Variants in HELZ observed in about 807,000 individuals in gnomAD.
HELZ encodes helicase with zinc finger, also known as ATP-dependent RNA helicase with zinc finger domain.
Under a neutral mutation model 218.2 loss-of-function variants are expected in HELZ, and 23 were observed. The observed-to-expected ratio is 0.11, with a 90% CI of 0.08 to 0.15. The LOEUF (loss-of-function observed/expected upper bound fraction) is 0.15. HELZ is among the 10% of genes least tolerant of loss of function. The pLI is 1.00. For missense variants in HELZ, 1,813 were observed against 2,353.7 expected (o/e 0.77, Z 4.75); for synonymous variants, 814 against 829.4 (o/e 0.98, Z 0.32).
intron 23 of HELZ, among the ~76,000 whole-genome samples, chr17:67,129,700 T>C (rs1023349238): frequency 3.3e-5 from 5 of 152,146 alleles, no homozygotes; most frequent in Non-Finnish European, 7.4e-5. Flanking sequence ...CTTAATCAAA[T>C]TCATAAGTAC....
Position 67,178,734 on chromosome 17 carries a change from G to A in HELZ, c.1355C>T (p.Thr452Ile). ...FTQSVLDKSL[T>I]KSNYQSRLHD... ...TAACCGTGACTGATAGTTGCTCTTG[G>A]TCAATGATTTGTCTAAAACGGACTG... Residue 452 changes from threonine (T) to isoleucine (I), a missense_variant, in exon 13 of 33, where the codon ACC (threonine) becomes ATC (isoleucine). Coordinates refer to ENST00000358691, the MANE Select transcript of HELZ (RefSeq NM_014877.4). The A allele has an allele frequency of 1.2e-6, 2 of 1,613,784 alleles. No homozygotes were observed. The highest frequency in any genetic ancestry group is 8.5e-7 in the Non-Finnish European group (1 of 1,179,784).
intron 5 of HELZ, among the ~76,000 whole-genome samples, chr17:67,204,523 G>A (rs2040247775): frequency 6.6e-6 from 1 of 151,830 alleles, no homozygotes; most frequent in Non-Finnish European, 1.5e-5. Context: ...TCTTATTATT[G>A]GCTATATAAT....
intron 28 of HELZ, 143 bp downstream of exon 28, chr17:67,114,181 A>G: frequency 1.6e-6 from 1 of 608,170 alleles, no homozygotes; most frequent in Non-Finnish European, 3.0e-6. Context: ...AAGAGAAGGC[A>G]ATATGGCTCA....
chr17:67,106,713 G>A (rs1385191036), intron 31 of HELZ, among the ~76,000 whole-genome samples: 1 of 152,212 alleles, frequency 6.6e-6, no homozygotes, highest in African/African-American at 2.4e-5. Context: ...TTGGGAATCA[G>A]AGTCCCTGGG....
rs564290589 is a variant in HELZ at position 67,196,131 on chromosome 17, C to T, written c.430-661G>A. On this transcript the variant is annotated intron_variant, in intron 7 of 32. Coordinates refer to ENST00000358691, the MANE Select transcript of HELZ (RefSeq NM_014877.4). The stretch of plus-strand genomic sequence containing the variant: ...CCTCCTAAAGTGCTAGAATTATAGG[C>T]GTGAGCCACCACGCCCGGCTAGAGG... 2.0e-5 allele frequency among the ~76,000 whole-genome samples: 3 copies of T among 152,186 alleles called. No homozygotes were observed. In the East Asian group the frequency reaches 5.8e-4, roughly 29 times the overall value.
At chr17:67,194,834 T>C (rs756195974) in intron 8 of HELZ, among the ~76,000 whole-genome samples, 36 of 152,188 alleles carry the variant, frequency 2.4e-4, no homozygotes, top group Non-Finnish European at 4.3e-4. Flanking sequence ...CTGTGCTTCA[T>C]CTCTATACTA....
intron 2 of HELZ, among the ~76,000 whole-genome samples, chr17:67,240,998 AAACT>A (rs1159927710): frequency 2.0e-5 from 3 of 152,196 alleles, no homozygotes; most frequent in African/African-American, 7.2e-5. Context: ...AGATTACTGA[AAACT>A]ATTATCCCAG....
intron 5 of HELZ, among the ~76,000 whole-genome samples, chr17:67,204,290 CTAT>C (rs928704029): frequency 1.3e-5 from 2 of 152,068 alleles, no homozygotes; most frequent in Admixed American, 6.6e-5. Context: ...ATATCTTCTC[CTAT>C]TATTACACAA....
Position 67,078,303 on chromosome 17 carries a change from C to T in HELZ, c.5778G>A (p.Leu1926=). The T allele has an allele frequency of 6.2e-7, 1 of 1,614,066 alleles. No individual in the cohort carries two copies. The highest frequency in any genetic ancestry group is 8.5e-7 in the Non-Finnish European group (1 of 1,180,010). The change falls in exon 33 of 33, where the codon CTG becomes CTA. Residue 1926 remains leucine, a synonymous_variant. Transcript: ENST00000358691. The part of the protein sequence containing the change: ...SSDPLSLFQE[L]SLGSSSGSNG... ...TGCTGCCAGATGAGCTCCCTAGGCT[C>T]AGTTCCTGGAAGAGAGACAGAGGGT...
intron 7 of HELZ, among the ~76,000 whole-genome samples, chr17:67,200,337 G>A (rs1567885818): frequency 6.6e-6 from 1 of 152,124 alleles, no homozygotes; most frequent in Non-Finnish European, 1.5e-5. Context: ...CTTCACTGGA[G>A]TACTTTTTTG....
intron 27 of HELZ, among the ~76,000 whole-genome samples, chr17:67,118,643 G>T (rs2037499578): frequency 7.9e-6 from 1 of 127,100 alleles, no homozygotes; most frequent in Non-Finnish European, 1.6e-5. Flanking sequence ...TTGAGCCCAG[G>T]AGTTCAAGGT....
rs1328292912 is a variant in HELZ at position 67,163,297 on chromosome 17, T to C, written c.1896-2221A>G. Among the ~76,000 whole-genome samples, 9 of 152,238 alleles carry C rather than the reference T, an allele frequency of 5.9e-5. No individual in the cohort carries two copies. In the East Asian group the frequency reaches 1.3e-3, roughly 23 times the overall value. On this transcript the variant is annotated intron_variant, in intron 15 of 32. Coordinates refer to ENST00000358691, the MANE Select transcript of HELZ (RefSeq NM_014877.4). ...TTTCATCTTTCAAATCTGAGGACTT[T>C]AATGAACTTAAGAATGAGACAGATA...
chr17:67,142,508 A>AAAAAC (rs746097606), intron 21 of HELZ, among the ~76,000 whole-genome samples: 3 of 152,146 alleles, frequency 2.0e-5, no homozygotes, highest in Non-Finnish European at 2.9e-5. Context: ...ACCCTGTCTC[A>AAAAAC]AAAACAAAAC....
chr17:67,188,695 T>TTTCC lies in HELZ; in HGVS notation c.865-83_865-80dup, dbSNP rs1383234694. ...GTAATTGGGCTCTTCAATGAAAATATTTCCATAAGGGACTTTTACTTCCCC... is the reference window on the plus strand; with the variant it reads ...GTAATTGGGCTCTTCAATGAAAATATTTCCTTCCATAAGGGACTTTTACTTCCCC... On this transcript the variant is annotated intron_variant, in intron 11 of 32. Transcript: ENST00000358691. The surrounding 1 kb of genome is among the most constrained non-coding windows in gnomAD (Gnocchi z 4.1). 3.4e-6 allele frequency: 4 copies of TTTCC among 1,169,298 alleles called. No individual in the cohort carries two copies. The African/African-American group carries it at 6.2e-5, about 18-fold the overall frequency. The allele number at this position is 1,169,298 out of a possible 1,614,324, so 72.4% of individuals were successfully genotyped here.
intron 21 of HELZ, among the ~76,000 whole-genome samples, chr17:67,144,069 C>G (rs1448443927): frequency 4.6e-5 from 7 of 152,138 alleles, no homozygotes; most frequent in African/African-American, 1.7e-4. Flanking sequence ...ACGAATGTAA[C>G]TGATGCCACT....
intron 3 of HELZ, chr17:67,225,147 T>C: frequency 2.5e-6 from 1 of 392,894 alleles, no homozygotes; most frequent in Non-Finnish European, 4.7e-6. Context: ...TAAAGTTACT[T>C]CAGTAATAAC....
In HELZ at chr17:67,075,309, T is replaced by A. The variant is rs1050903234; in HGVS notation, c.*2943A>T. On this transcript the variant is annotated 3_prime_UTR_variant, in exon 33 of 33. Transcript: ENST00000358691. The stretch of plus-strand genomic sequence containing the variant: ...TTCAGAGTGATACAAAGGACAAAGA[T>A]GTAAAAAGACATTATGTGAACAATT... 1 of 151,994 alleles carries A rather than the reference T, an allele frequency of 6.6e-6. No homozygotes were observed. The highest frequency in any genetic ancestry group is 1.5e-5 in the Non-Finnish European group (1 of 67,956). 9.4% of individuals were successfully genotyped at this position (151,994 alleles called of 1,614,324 possible).
intron 4 of HELZ, among the ~76,000 whole-genome samples, chr17:67,217,965 C>T (rs574625049): frequency 2.0e-5 from 3 of 148,692 alleles, no homozygotes; most frequent in African/African-American, 7.5e-5. Context: ...CTCGGAGTCT[C>T]GCCCTGTTGC....
At chr17:67,111,109 G>C (rs1203026878) in intron 28 of HELZ, among the ~76,000 whole-genome samples, 4 of 152,210 alleles carry the variant, frequency 2.6e-5, no homozygotes, top group African/African-American at 9.7e-5. Context: ...TGTACGCAGA[G>C]CTATAACTTC....
Sources: gnomAD v4.1 joint callset for allele counts (sites outside exome capture counted in the v4.1 genomes callset) on GRCh38, gnomAD v4.1.1 for gene constraint, Gnocchi (gnomAD v3.1) non-coding constraint, MANE v1.5 for transcripts, NCBI Gene and HGNC (gene_info 2026-07-23, HGNC 2026-07-21) for gene names.